The following SLX4IP variants were observed in gnomAD, a reference collection of about 807,000 sequenced individuals.
SLX4IP encodes the protein protein SLX4IP.
Under a neutral mutation model 32.9 loss-of-function variants are expected in SLX4IP, and 34 were observed. The ratio of observed to expected loss-of-function variants is 1.03; its 90% confidence interval spans 0.79 to 1.38. The LOEUF is 1.38. Ranked by LOEUF, SLX4IP falls within the 40% of genes most tolerant of loss-of-function variation. The pLI is 0.00. For missense variants in SLX4IP, 444 were observed against 479.0 expected (o/e 0.93, Z 0.68); for synonymous variants, 172 against 171.7 (o/e 1.00, Z -0.01).
intron 4 of SLX4IP, among the ~76,000 whole-genome samples, chr20:10,591,127 C>A (rs1381481927): frequency 6.6e-6 from 1 of 152,188 alleles, no homozygotes; most frequent in East Asian, 1.9e-4. Context: ...CAGAACCCAA[C>A]CCTTTTCCTG....
chr20:10,480,003 GAACA>G (rs1350975544), intron 2 of SLX4IP, among the ~76,000 whole-genome samples: 1 of 151,926 alleles, frequency 6.6e-6, no homozygotes, highest in Non-Finnish European at 1.5e-5. Context: ...ACTCCATCTA[GAACA>G]AACAAACAAA....
At chr20:10,557,628 T>A (rs1279547255) in intron 3 of SLX4IP, among the ~76,000 whole-genome samples, 1 of 152,264 alleles carries the variant, frequency 6.6e-6, no homozygotes, top group African/African-American at 2.4e-5. Context: ...CTGACTTGAC[T>A]TAAATTAACA....
chr20:10,482,941 T>C (rs926552526), intron 2 of SLX4IP, among the ~76,000 whole-genome samples: 9 of 152,174 alleles, frequency 5.9e-5, no homozygotes, highest in African/African-American at 2.2e-4. Flanking sequence ...GAGGCATTAA[T>C]AAGAATTTTC....
At chr20:10,462,866 T>A (rs1022327208) in intron 2 of SLX4IP, among the ~76,000 whole-genome samples, 1 of 152,154 alleles carries the variant, frequency 6.6e-6, no homozygotes, top group East Asian at 1.9e-4. Context: ...ATAAGTTAAC[T>A]AAGGAAAGCA....
chr20:10,529,937 A>G lies in SLX4IP; in HGVS notation c.28-26294A>G, dbSNP rs553845677. 8.5e-5 allele frequency among the ~76,000 whole-genome samples: 13 copies of G among 152,292 alleles called. No homozygotes were observed. In the East Asian group the frequency reaches 1.9e-3, roughly 23 times the overall value. On this transcript the variant is annotated intron_variant, in intron 2 of 7. Coordinates refer to ENST00000334534, the MANE Select transcript of SLX4IP (RefSeq NM_001009608.3). ...TATGCAGTCTACAGAGGTTCCATCT[A>G]TGGAGCAAAAGTTGGGAGCAGACCA...
intron 1 of SLX4IP, among the ~76,000 whole-genome samples, chr20:10,452,674 A>ATATATATATATATATAT (rs201507537): frequency 6.3e-4 from 59 of 93,742 alleles, no homozygotes; most frequent in African/African-American, 2.4e-3. Context: ...CAAAAAAAAA[A>ATATATATATATATATAT]AAAAAAATAT....
At chr20:10,579,867 A>C (rs146276915) in intron 4 of SLX4IP, among the ~76,000 whole-genome samples, 212 of 152,102 alleles carry the variant, frequency 1.4e-3, no homozygotes, top group African/African-American at 4.9e-3. Context: ...CAAAGCTGGC[A>C]TTTACTAGTT....
intron 2 of SLX4IP, among the ~76,000 whole-genome samples, chr20:10,522,422 C>T (rs1237171933): frequency 6.6e-6 from 1 of 152,132 alleles, no homozygotes; most frequent in Non-Finnish European, 1.5e-5. Flanking sequence ...TATACAAACC[C>T]GTAGGGTGGA....
chr20:10,592,346 A>G (rs961081402), intron 4 of SLX4IP, among the ~76,000 whole-genome samples: 3 of 144,366 alleles, frequency 2.1e-5, no homozygotes, highest in African/African-American at 5.3e-5. Context: ...CCTTTCTCCA[A>G]CCCCCCCCCA....
At chr20:10,592,792 G>A (rs185138908) in intron 4 of SLX4IP, among the ~76,000 whole-genome samples, 228 of 151,764 alleles carry the variant, frequency 1.5e-3, no homozygotes, top group African/African-American at 4.5e-3. Context: ...GTGCCACCAC[G>A]CCTGGCTAAT....
At chr20:10,474,844 C>T (rs1233001248) in intron 2 of SLX4IP, among the ~76,000 whole-genome samples, 1 of 152,232 alleles carries the variant, frequency 6.6e-6, no homozygotes, top group Non-Finnish European at 1.5e-5. Context: ...TGTATCATAG[C>T]TTACCTCGGC....
At chr20:10,517,442 C>T (rs549696224) in intron 2 of SLX4IP, among the ~76,000 whole-genome samples, 39 of 152,198 alleles carry the variant, frequency 2.6e-4, no homozygotes, top group African/African-American at 8.7e-4. Flanking sequence ...TTATTAGAAA[C>T]GAAAAATGTC....
At chr20:10,523,715 T>TA (rs1469031110) in intron 2 of SLX4IP, among the ~76,000 whole-genome samples, 1 of 152,264 alleles carries the variant, frequency 6.6e-6, no homozygotes, top group Non-Finnish European at 1.5e-5. Flanking sequence ...CAGGAGATGA[T>TA]ACGTCAGAAC....
At chr20:10,551,018 G>A (rs150614590) in intron 2 of SLX4IP, among the ~76,000 whole-genome samples, 30 of 152,300 alleles carry the variant, frequency 2.0e-4, no homozygotes, top group African/African-American at 7.2e-4. Context: ...AGAGAATGTG[G>A]GGACCTTTCT....
In SLX4IP at chr20:10,556,248, C is replaced by G. The variant is rs148712172; in HGVS notation, c.45C>G (p.Val15=). 2.9e-4 allele frequency: 465 copies of G among 1,613,594 alleles called. 3 individuals are homozygous for G. In the African/African-American group the frequency reaches 5.4e-3, roughly 19 times the overall value. Residue 15 remains valine (V), a synonymous_variant, in exon 3 of 8, where the codon GTC becomes GTG. Coordinates refer to ENST00000334534, the MANE Select transcript of SLX4IP (RefSeq NM_001009608.3). ...KFAVKCGNFA[V]LVDLHILPQG... is the part of the protein sequence containing the mutation. ...TCTTTCAGTGTGGGAATTTTGCTGT[C>G]CTCGTGGATCTTCATATCTTGCCAC...
chr20:10,574,465 A>G (rs1002768005), intron 4 of SLX4IP, among the ~76,000 whole-genome samples: 1 of 152,160 alleles, frequency 6.6e-6, no homozygotes, highest in Admixed American at 6.6e-5. Flanking sequence ...AACAAAGTTC[A>G]TATTGCCTTT....
intron 2 of SLX4IP, among the ~76,000 whole-genome samples, chr20:10,483,170 A>G (rs951767314): frequency 1.8e-5 from 1 of 56,974 alleles, no homozygotes; most frequent in African/African-American, 5.7e-5. Flanking sequence ...CCCAGGCTAG[A>G]GTAAAGTGAC....
At chr20:10,507,147 A>C (rs927652306) in intron 2 of SLX4IP, among the ~76,000 whole-genome samples, 1 of 152,210 alleles carries the variant, frequency 6.6e-6, no homozygotes, top group African/African-American at 2.4e-5. Context: ...GTTAGCTCAG[A>C]TGTGTCTCAG....
chr20:10,445,685 C>T (rs2065196623), intron 1 of SLX4IP, among the ~76,000 whole-genome samples: 1 of 149,182 alleles, frequency 6.7e-6, no homozygotes, highest in African/African-American at 2.5e-5. Flanking sequence ...AGTGCAGTGG[C>T]GTGATCTCGG....
Sources: allele counts gnomAD v4.1 joint callset (sites outside exome capture counted in the v4.1 genomes callset), GRCh38; gene constraint gnomAD v4.1.1; transcripts MANE v1.5; gene names NCBI Gene and HGNC (gene_info 2026-07-23, HGNC 2026-07-21).